EIF4B: variants seen among roughly 807,000 people sequenced by gnomAD.
The protein encoded by EIF4B is eukaryotic translation initiation factor 4B.
In EIF4B, 8 loss-of-function variants were observed where a neutral mutation model predicts 79.3. The observed-to-expected ratio is 0.10, with a 90% confidence interval of 0.06 to 0.18. The LOEUF (loss-of-function observed/expected upper bound fraction) is 0.18, where lower values mean the gene tolerates loss of function less well. EIF4B is among the 10% of genes least tolerant of loss of function. EIF4B has a pLI of 1.00. For synonymous variants in EIF4B, 238 were observed against 274.7 expected (o/e 0.87, Z 1.32); for missense variants, 515 against 792.4 (o/e 0.65, Z 4.20).
intron 8 of EIF4B, among the ~76,000 whole-genome samples, chr12:53,030,662 G>A (rs1021991844): frequency 6.6e-6 from 1 of 151,462 alleles, no homozygotes; most frequent in East Asian, 1.9e-4. Flanking sequence ...CGCCCGCCTC[G>A]GCCTCCCAAA....
At chr12:53,034,733 C>T (rs752577812) in intron 10 of EIF4B, 24 bp downstream of exon 10, 10 of 1,613,208 alleles carry the variant, frequency 6.2e-6, no homozygotes, top group Middle Eastern at 1.6e-4. Context: ...GGGTGGGTAT[C>T]GTGTTATTGC....
intron 10 of EIF4B, among the ~76,000 whole-genome samples, chr12:53,035,040 C>T (rs1838137160): frequency 7.0e-6 from 1 of 142,140 alleles, no homozygotes; most frequent in South Asian, 2.2e-4. Context: ...CAGTCAACGG[C>T]TTGGAGTTTC....
At chr12:53,017,654 C>T (rs1039066173) in intron 2 of EIF4B, among the ~76,000 whole-genome samples, 2 of 152,098 alleles carry the variant, frequency 1.3e-5, no homozygotes, top group Non-Finnish European at 2.9e-5. Flanking sequence ...GTGCAAGTGG[C>T]GCACTCTCTG....
chr12:53,007,027 G>C (rs1451618440), intron 1 of EIF4B, among the ~76,000 whole-genome samples: 2 of 152,154 alleles, frequency 1.3e-5, no homozygotes, highest in East Asian at 3.9e-4. Flanking sequence ...TGCGCGGTAG[G>C]AGACACGAGG....
At chr12:53,031,833 G>A (rs553434453) in intron 8 of EIF4B, among the ~76,000 whole-genome samples, 124 of 152,318 alleles carry the variant, frequency 8.1e-4, no homozygotes, top group Non-Finnish European at 1.6e-3. Flanking sequence ...TTAGAGGACA[G>A]AGTACAGCTG....
intron 14 of EIF4B, 135 bp from the exon 15 acceptor site, chr12:53,040,008 A>G: frequency 1.0e-6 from 1 of 990,038 alleles, no homozygotes; most frequent in East Asian, 2.6e-5. Flanking sequence ...TCTCCAATGG[A>G]CAATGCTGAT....
rs1352983482 is a variant in EIF4B, at chr12:53,041,116, T to A, written c.*893T>A. 1 of 152,192 alleles carries A rather than the reference T, an allele frequency of 6.6e-6. No homozygotes were observed. The highest frequency in any genetic ancestry group is 2.4e-5 in the African/African-American group (1 of 41,440). 9.4% of individuals were successfully genotyped at this position (152,192 alleles called of 1,614,324 possible). A position where few individuals can be genotyped will look rare whatever the true frequency, so the allele number is the denominator to read the frequency against. On this transcript the variant is annotated 3_prime_UTR_variant, in exon 15 of 15. Transcript: ENST00000262056. ...CTATTGAAACCTTGAAACTAAAAAT[T>A]TAGACTCTTATCATCATCTTAAGTT...
chr12:53,039,481 T>C (rs1195479535), intron 13 of EIF4B, 138 bp downstream of exon 13: 2 of 1,241,788 alleles, frequency 1.6e-6, no homozygotes, highest in Non-Finnish European at 2.2e-6. Context: ...CAGTTAAGAT[T>C]CTGAAAATCT....
chr12:53,017,252 CAAAAAA>C (rs57053490), intron 2 of EIF4B, among the ~76,000 whole-genome samples: 1 of 143,104 alleles, frequency 7.0e-6, no homozygotes, highest in African/African-American at 2.7e-5. Flanking sequence ...GACTCCATCT[CAAAAAA>C]AAAAAAAAAG....
At chr12:53,006,767 G>A (rs771749192) in intron 1 of EIF4B, among the ~76,000 whole-genome samples, 8 of 151,910 alleles carry the variant, frequency 5.3e-5, no homozygotes, top group Non-Finnish European at 1.2e-4. Flanking sequence ...CTTGAATTGG[G>A]GAAGGAGGCG....
chr12:53,039,865 A>AT (rs55962315), intron 14 of EIF4B, 163 bp downstream of exon 14: 759,616 of 847,058 alleles, frequency 0.9, 344,676 homozygotes, highest in East Asian at 0.98. Context: ...ATTGGTCTTT[A>AT]CTGAAATAGC....
chr12:53,027,980 C>T lies in EIF4B; in HGVS notation c.806-35C>T, dbSNP rs150359571. On this transcript the variant is annotated intron_variant, in intron 7 of 14. Transcript: ENST00000262056. ...ACTTTGCCTTTTTTTTTTCCCCCTC[C>T]GCTGTGATGATTATAATTTGGGATA... The T allele has an allele frequency of 1.6e-3, 2,556 of 1,607,686 alleles. 4 individuals are homozygous for T. Among genetic ancestry groups the T allele is most frequent in the Non-Finnish European group, 2.0e-3 (2,314 of 1,175,596 alleles).
chr12:53,033,576 T>TCCAG (rs1177187766), intron 8 of EIF4B, among the ~76,000 whole-genome samples: 1 of 134,244 alleles, frequency 7.4e-6, no homozygotes, highest in South Asian at 2.4e-4. Context: ...CTCTTGGCCT[T>TCCAG]GTGATCCACC....
At chr12:53,019,435 A>ATT (rs759250282) in intron 3 of EIF4B, among the ~76,000 whole-genome samples, 4 of 39,464 alleles carry the variant, frequency 1.0e-4, no homozygotes, top group African/African-American at 2.7e-4. Context: ...ATATATATAT[A>ATT]TATTTTTTTT....
Position 53,040,813 on chromosome 12 carries a change from G to C in EIF4B, c.*590G>C, listed in dbSNP as rs1047685014. ...CTTTTTTTTTTTTAACCCCCCAGGG[G>C]GGTAGTTGGGAGTGAGACTATAGGC... is the stretch of plus-strand genomic sequence containing the variant. On this transcript the variant is annotated 3_prime_UTR_variant, in exon 15 of 15. Transcript: ENST00000262056. 5 of 152,038 alleles carry C rather than the reference G, an allele frequency of 3.3e-5. No homozygotes were observed. Among genetic ancestry groups the C allele is most frequent in the African/African-American group, 7.2e-5 (3 of 41,462 alleles). 9.4% of individuals were successfully genotyped at this position (152,038 alleles called of 1,614,324 possible).
chr12:53,006,689 C>T (rs1480266166), intron 1 of EIF4B, among the ~76,000 whole-genome samples, 193 bp downstream of exon 1: 7 of 151,578 alleles, frequency 4.6e-5, no homozygotes, highest in Non-Finnish European at 8.8e-5. Context: ...GGACACCTTC[C>T]CCTCCCCCTC....
intron 8 of EIF4B, among the ~76,000 whole-genome samples, chr12:53,029,220 C>T (rs550689199): frequency 6.6e-6 from 1 of 151,980 alleles, no homozygotes; most frequent in South Asian, 2.1e-4. Flanking sequence ...TAAAATTATG[C>T]CCCTAATACT....
Position 53,038,357 on chromosome 12 carries a change from G to C in EIF4B, c.1522G>C (p.Gly508Arg). 1 of 1,592,480 alleles carries C rather than the reference G, an allele frequency of 6.3e-7. No homozygotes were observed. The highest frequency in any genetic ancestry group is 8.6e-7 in the Non-Finnish European group (1 of 1,169,182). Reference protein sequence around the residue: ...SDTEQQSPTSGGGKVAPAQPS... With the variant: ...SDTEQQSPTSRGGKVAPAQPS... ...TGTGATTACCTGTTTTCCTTCTAGTGGTGGGGGAAAAGTAGCTCCAGCTCA... is the reference window on the plus strand; with the variant it reads ...TGTGATTACCTGTTTTCCTTCTAGTCGTGGGGGAAAAGTAGCTCCAGCTCA... The change falls in exon 12 of 15, where the codon GGT becomes CGT. Residue 508 changes from glycine (G) to arginine (R), a missense_variant and splice_region_variant. Transcript: ENST00000262056.
Position 53,038,419 on chromosome 12 carries a change from C to T in EIF4B, c.1576+8C>T, listed in dbSNP as rs1295620469. On this transcript the variant is annotated splice_region_variant and intron_variant, in intron 12 of 14. Coordinates refer to ENST00000262056, the MANE Select transcript of EIF4B (RefSeq NM_001417.7). ...AAGGACCAGGAAGGAAAGGTGAGCT[C>T]ATAGTATGGGAAATAGGTTTTTCAC... 3 of 1,586,046 alleles carry T rather than the reference C, an allele frequency of 1.9e-6. No individual in the cohort carries two copies. The highest frequency in any genetic ancestry group is 2.6e-6 in the Non-Finnish European group (3 of 1,167,826).
Sources: allele counts gnomAD v4.1 joint callset (sites outside exome capture counted in the v4.1 genomes callset), GRCh38; gene constraint gnomAD v4.1.1; transcripts MANE v1.5; gene names NCBI Gene and HGNC (gene_info 2026-07-23, HGNC 2026-07-21).